Variants in MRAS observed in about 807,000 individuals in gnomAD.
MRAS encodes the protein ras-related protein M-Ras.
In MRAS, 4 loss-of-function variants were observed where a neutral mutation model predicts 20.9. The ratio of observed to expected loss-of-function variants is 0.19; its 90% CI spans 0.09 to 0.44. The LOEUF (loss-of-function observed/expected upper bound fraction) is 0.44. MRAS is among the 20% of genes least tolerant of loss of function. MRAS has a pLI of 0.99. For synonymous variants in MRAS, 98 were observed against 102.9 expected, an observed-to-expected ratio of 0.95 and a Z score of 0.29; for missense variants, 154 against 277.5, an observed-to-expected ratio of 0.56 and a Z score of 3.16.
intron 1 of MRAS, among the ~76,000 whole-genome samples, chr3:138,354,889 T>C (rs1482497033): frequency 2.0e-5 from 3 of 152,154 alleles, no homozygotes; most frequent in Non-Finnish European, 2.9e-5. Context: ...CAAGCCATCC[T>C]CCTGCCTCAG....
At chr3:138,359,708 C>T (rs2054405940) in intron 1 of MRAS, among the ~76,000 whole-genome samples, 1 of 152,152 alleles carries the variant, frequency 6.6e-6, no homozygotes. Context: ...GTCCTGCAGG[C>T]CAAGTAACCC....
rs115608872 is a variant in MRAS, at chr3:138,400,910, C to A, written c.527+297C>A. 8.8e-3 allele frequency among the ~76,000 whole-genome samples: 1,342 copies of A among 152,296 alleles called. 15 individuals carry two copies. The highest frequency in any genetic ancestry group is 0.031 in the African/African-American group (1,297 of 41,556). On this transcript the variant is annotated intron_variant, in intron 5 of 5. Coordinates refer to ENST00000423968, the MANE Select transcript of MRAS (RefSeq NM_001085049.3). ...TCCCTGGAAGGCAGCTCCCTCCAGCCTGGCTTCAGTGTTCTCCTCACACCA... is the reference window on the plus strand; with the variant it reads ...TCCCTGGAAGGCAGCTCCCTCCAGCATGGCTTCAGTGTTCTCCTCACACCA...
intron 2 of MRAS, 148 bp from the exon 3 acceptor site, chr3:138,397,176 C>A: frequency 1.0e-6 from 1 of 961,030 alleles, no homozygotes; most frequent in Non-Finnish European, 1.5e-6. Context: ...TCGAGCAGCC[C>A]TAGAGAGAGA....
intron 1 of MRAS, among the ~76,000 whole-genome samples, chr3:138,350,780 C>T (rs187376671): frequency 3.8e-4 from 57 of 151,932 alleles, no homozygotes; most frequent in Admixed American, 3.2e-3. Context: ...GGTGAAACTC[C>T]GTCTCTACAA....
At chr3:138,355,975 C>G (rs1247503420) in intron 1 of MRAS, among the ~76,000 whole-genome samples, 1 of 152,136 alleles carries the variant, frequency 6.6e-6, no homozygotes, top group African/African-American at 2.4e-5. Context: ...TTCCCTCATT[C>G]TGATGGAGAT....
intron 5 of MRAS, among the ~76,000 whole-genome samples, chr3:138,401,358 G>A (rs947953131): frequency 1.3e-5 from 2 of 152,128 alleles, no homozygotes; most frequent in Admixed American, 6.5e-5. Flanking sequence ...CAGCCCCGGG[G>A]CTCTAACCCC....
At chr3:138,372,526 C>T (rs2054696304) in intron 1 of MRAS, among the ~76,000 whole-genome samples, 1 of 152,178 alleles carries the variant, frequency 6.6e-6, no homozygotes, top group Non-Finnish European at 1.5e-5. Context: ...AGACCACTGC[C>T]CTCGTGTTAA....
At position 138,351,379 on chromosome 3, in the gene MRAS, A is replaced by C. The variant is rs182532575; in HGVS notation, c.-19+2612A>C. On this transcript the variant is annotated intron_variant, in intron 1 of 5. Transcript: ENST00000423968. The stretch of plus-strand genomic sequence containing the variant: ...GAGTTCCAGAGGCTCTGTACCTGCC[A>C]GGCCCTGGGCAGGCATAGAAGGTAC... Among the ~76,000 whole-genome samples, 333 of 152,334 alleles carry C rather than the reference A, an allele frequency of 2.2e-3. 2 individuals carry two copies. Among genetic ancestry groups the C allele is most frequent in the African/African-American group, 7.7e-3 (322 of 41,570 alleles).
intron 2 of MRAS, among the ~76,000 whole-genome samples, chr3:138,383,184 G>A (rs1241754305): frequency 6.6e-6 from 1 of 152,186 alleles, no homozygotes; most frequent in Non-Finnish European, 1.5e-5. Flanking sequence ...TCTGATGTCA[G>A]CCCAGACTTG....
chr3:138,373,508 G>A (rs1270377047), intron 2 of MRAS, among the ~76,000 whole-genome samples: 1 of 152,210 alleles, frequency 6.6e-6, no homozygotes, highest in Non-Finnish European at 1.5e-5. Flanking sequence ...GAATTAGTCT[G>A]GATTACTAGT....
In MRAS at chr3:138,398,539, C is replaced by T; in HGVS notation, c.418C>T (p.Gln140Ter). ...LMHLRKITREQGKEMATKHNI... is the reference protein window; with the variant it reads ...LMHLRKITRE ...GCACTTGAGGAAGATCACCAGGGAG[C>T]AAGGAAAAGAAATGGCGACCAAACA... Residue 140 changes from glutamine (Q) to a stop codon, truncating the protein, a stop_gained, in exon 4 of 6, where the codon CAA becomes TAA. Transcript: ENST00000423968. LOFTEE classifies it high-confidence loss of function. The T allele has an allele frequency of 6.2e-7, 1 of 1,614,072 alleles. No individual in the cohort carries two copies. Among genetic ancestry groups the T allele is most frequent in the Non-Finnish European group, 8.5e-7 (1 of 1,180,000 alleles).
chr3:138,385,867 G>A (rs890518714), intron 2 of MRAS, among the ~76,000 whole-genome samples: 1 of 152,096 alleles, frequency 6.6e-6, no homozygotes, highest in Admixed American at 6.6e-5. Flanking sequence ...ACCTGCTGGT[G>A]GAAATAAACC....
chr3:138,361,810 G>T (rs146770792), intron 1 of MRAS, among the ~76,000 whole-genome samples: 7 of 152,330 alleles, frequency 4.6e-5, no homozygotes, highest in Non-Finnish European at 1.0e-4. Context: ...ATTGCACGCA[G>T]ATTCCTATGG....
upstream of MRAS, chr3:138,347,915 G>A (rs1187967423): frequency 6.6e-6 from 1 of 152,182 alleles, no homozygotes; most frequent in East Asian, 1.9e-4. Flanking sequence ...TTCAAAAGGT[G>A]GAATTTTATG....
chr3:138,363,178 T>C (rs2054486540), intron 1 of MRAS, among the ~76,000 whole-genome samples: 1 of 152,046 alleles, frequency 6.6e-6, no homozygotes, highest in African/African-American at 2.4e-5. Flanking sequence ...TTCTCCTCCC[T>C]CAGCCTCTTG....
intron 4 of MRAS, among the ~76,000 whole-genome samples, chr3:138,399,271 A>G (rs1221622074): frequency 6.6e-6 from 1 of 152,240 alleles, no homozygotes; most frequent in Non-Finnish European, 1.5e-5. Context: ...GGACTAAAAG[A>G]GGTCAGGGAT....
intron 2 of MRAS, among the ~76,000 whole-genome samples, chr3:138,376,050 T>C (rs190238123): frequency 6.6e-6 from 1 of 152,348 alleles, no homozygotes; most frequent in East Asian, 1.9e-4. Flanking sequence ...AATTATATAC[T>C]TTTAAAGTAT....
chr3:138,363,004 T>C (rs991348120), intron 1 of MRAS, among the ~76,000 whole-genome samples: 4 of 152,072 alleles, frequency 2.6e-5, no homozygotes, highest in Non-Finnish European at 4.4e-5. Context: ...TTCTATTCTT[T>C]ACCTGGGACA....
At chr3:138,393,815 G>A (rs975890199) in intron 2 of MRAS, among the ~76,000 whole-genome samples, 6 of 151,978 alleles carry the variant, frequency 3.9e-5, no homozygotes, top group Admixed American at 1.3e-4. Flanking sequence ...TCAGCCTCCC[G>A]AGTAGCTGGG....
Sources: gnomAD v4.1 joint callset for allele counts (sites outside exome capture counted in the v4.1 genomes callset) on GRCh38, gnomAD v4.1.1 for gene constraint, MANE v1.5 for transcripts, NCBI Gene and HGNC (gene_info 2026-07-23, HGNC 2026-07-21) for gene names.